PDLIM3: variants seen among roughly 807,000 people sequenced by gnomAD.
The protein encoded by PDLIM3 is PDZ and LIM domain 3.
Under a neutral mutation model 37.3 loss-of-function variants are expected in PDLIM3, and 36 were observed. That is an observed-to-expected ratio of 0.97 (90% CI 0.74 to 1.28). PDLIM3 has a LOEUF of 1.28. PDLIM3 is among the 50% of genes most tolerant of loss of function. PDLIM3 has a pLI of 0.00. For missense variants in PDLIM3, 454 were observed against 485.0 expected (o/e 0.94, Z 0.60); for synonymous variants, 174 against 182.4 (o/e 0.95, Z 0.37).
chr4:185,513,581 C>A (rs1561195216), intron 4 of PDLIM3: 7 of 985,938 alleles, frequency 7.1e-6, no homozygotes, highest in Non-Finnish European at 8.4e-6. Flanking sequence ...CACCTATGGG[C>A]CATCAGTTTG....
intron 3 of PDLIM3, among the ~76,000 whole-genome samples, chr4:185,519,152 G>C (rs1445248936): frequency 1.3e-5 from 2 of 152,150 alleles, no homozygotes; most frequent in Admixed American, 6.5e-5. Flanking sequence ...ATTGTGTTCA[G>C]GATTGCATGG....
intron 1 of PDLIM3, among the ~76,000 whole-genome samples, chr4:185,534,404 T>C (rs1002323407): frequency 3.9e-5 from 6 of 152,220 alleles, no homozygotes; most frequent in Non-Finnish European, 7.3e-5. Context: ...CGCCTTTAGG[T>C]ATTAAATGTT....
chr4:185,535,467 G>A lies in PDLIM3; in HGVS notation c.-33C>T, dbSNP rs371273675. 25 of 1,536,830 alleles carry A rather than the reference G, an allele frequency of 1.6e-5. No homozygotes were observed. The African/African-American group carries it at 2.8e-4, about 17-fold the overall frequency. On this transcript the variant is annotated 5_prime_UTR_variant, in exon 1 of 8. Coordinates refer to ENST00000284767, the MANE Select transcript of PDLIM3 (RefSeq NM_014476.6). ...TCCTCCCGCCCACCGGGCTCTAAGT[G>A]TCCCCGCGCAGGGCAGCCACTCCGC...
rs759785542 is a variant in PDLIM3, at chr4:185,535,481, C to G, written c.-47G>C. The G allele has an allele frequency of 1.2e-5, 18 of 1,491,142 alleles. No homozygotes were observed. The highest frequency in any genetic ancestry group is 1.5e-5 in the Non-Finnish European group (16 of 1,101,654). 92.4% of individuals were successfully genotyped at this position (1,491,142 alleles called of 1,614,324 possible). A position where few individuals can be genotyped will look rare whatever the true frequency, so the allele number is the denominator to read the frequency against. On this transcript the variant is annotated 5_prime_UTR_variant, in exon 1 of 8. Transcript: ENST00000284767. ...GGGCTCTAAGTGTCCCCGCGCAGGG[C>G]AGCCACTCCGCGCCGGGCGGCGTCC...
At chr4:185,509,397 T>C (rs1389898313) in intron 4 of PDLIM3, among the ~76,000 whole-genome samples, 1 of 152,184 alleles carries the variant, frequency 6.6e-6, no homozygotes, top group East Asian at 1.9e-4. Context: ...GAAGCACGCA[T>C]CTATTCCCAG....
intron 3 of PDLIM3, among the ~76,000 whole-genome samples, chr4:185,519,112 A>C (rs6816937): frequency 0.7 from 106,012 of 152,030 alleles, 41,468 homozygotes; most frequent in Non-Finnish European, 0.87. Flanking sequence ...CATTTTGTCT[A>C]TTTTTGTACA....
rs1561201923 is a variant in PDLIM3 at position 185,525,053 on chromosome 4, G to C, written c.212C>G (p.Ala71Gly). ...TTTGAGACACAGCTGGTGAGCTGCT[G>C]CTTTAATCCTGTCCTGCGCATCAGC... ...THADAQDRIK[A>G]AAHQLCLKID... The change falls in exon 2 of 8, where the codon GCA becomes GGA. Residue 71 changes from alanine to glycine, a missense_variant. Transcript: ENST00000284767. 1 of 1,614,012 alleles carries C rather than the reference G, an allele frequency of 6.2e-7. No individual in the cohort carries two copies. The highest frequency in any genetic ancestry group is 8.5e-7 in the Non-Finnish European group (1 of 1,179,992).
At position 185,501,348 on chromosome 4, in the gene PDLIM3, C is replaced by A. The variant is rs2095686867; in HGVS notation, c.*946G>T. Reference sequence around the variant, plus strand: ...GCAGGACCCCAGGAGACCAGCAGCCCCTGCCTTCCTTAGGAAGTCGTCTAA... The same window carrying A: ...GCAGGACCCCAGGAGACCAGCAGCCACTGCCTTCCTTAGGAAGTCGTCTAA... On this transcript the variant is annotated 3_prime_UTR_variant, in exon 8 of 8. Transcript: ENST00000284767. 6.6e-6 allele frequency: 1 copy of A among 152,280 alleles called. No homozygotes were observed. The highest frequency in any genetic ancestry group is 2.1e-4 in the South Asian group (1 of 4,832). The allele number at this position is 152,280 out of a possible 1,614,324, so 9.4% of individuals were successfully genotyped here. A position where few individuals can be genotyped will look rare whatever the true frequency, so the allele number is the denominator to read the frequency against.
At chr4:185,511,613 G>A (rs2095706712) in intron 4 of PDLIM3, among the ~76,000 whole-genome samples, 1 of 152,038 alleles carries the variant, frequency 6.6e-6, no homozygotes, top group South Asian at 2.1e-4. Context: ...TGCTCACCTG[G>A]GCCTCCCAAA....
At chr4:185,530,762 A>G (rs1196341914) in intron 1 of PDLIM3, among the ~76,000 whole-genome samples, 1 of 152,098 alleles carries the variant, frequency 6.6e-6, no homozygotes, top group South Asian at 2.1e-4. Context: ...GTCATGGATC[A>G]TCCCTTTGTC....
At chr4:185,513,627 C>T (rs766363090) in intron 4 of PDLIM3, 17 of 987,716 alleles carry the variant, frequency 1.7e-5, no homozygotes, top group Middle Eastern at 5.2e-4. Flanking sequence ...ATGTTCCTGT[C>T]GGAATCAATC....
chr4:185,506,517 C>T lies in PDLIM3; in HGVS notation c.793+5G>A, dbSNP rs368846659. The T allele has an allele frequency of 1.9e-6, 3 of 1,613,482 alleles. No individual in the cohort carries two copies. The African/African-American group carries it at 4.0e-5, about 22-fold the overall frequency. ...ACGTTTCAGCAGGTGTCAGCGGCTG[C>T]TCACCAGAGCCATCGTCCACCATTC... On this transcript the variant is annotated splice_donor_5th_base_variant and intron_variant, in intron 6 of 7. Transcript: ENST00000284767.
chr4:185,519,212 C>T (rs940505743), intron 3 of PDLIM3, among the ~76,000 whole-genome samples: 19 of 152,124 alleles, frequency 1.2e-4, no homozygotes, highest in Admixed American at 1.0e-3. Context: ...AACTAACGTG[C>T]CCTTTAAGCC....
At chr4:185,533,125 T>A (rs1322524272) in intron 1 of PDLIM3, among the ~76,000 whole-genome samples, 1 of 152,112 alleles carries the variant, frequency 6.6e-6, no homozygotes, top group Non-Finnish European at 1.5e-5. Flanking sequence ...ACTGCTACTC[T>A]CCTAAAGATT....
At chr4:185,531,943 A>AT (rs2095745206) in intron 1 of PDLIM3, among the ~76,000 whole-genome samples, 1 of 150,664 alleles carries the variant, frequency 6.6e-6, no homozygotes, top group Admixed American at 6.6e-5. Context: ...AAAAAAAAAA[A>AT]AAAAATTAGC....
chr4:185,523,220 A>G (rs894597601), intron 3 of PDLIM3, 142 bp downstream of exon 3: 10 of 636,340 alleles, frequency 1.6e-5, no homozygotes, highest in African/African-American at 5.5e-5. Flanking sequence ...GATAATATAA[A>G]TTAATCTCGG....
At chr4:185,523,338 T>C (rs2095725919) in intron 3 of PDLIM3, 24 bp downstream of exon 3, 8 of 1,484,922 alleles carry the variant, frequency 5.4e-6, no homozygotes, top group Non-Finnish European at 7.5e-6. Context: ...ATACAATGTG[T>C]ATCATTTGCT....
intron 3 of PDLIM3, chr4:185,515,038 T>G: frequency 1.7e-6 from 1 of 582,504 alleles, no homozygotes; most frequent in Non-Finnish European, 2.9e-6. Flanking sequence ...AGCCATAAAC[T>G]TTTCCATGGT....
At chr4:185,503,542 C>A (rs2095691014) in intron 7 of PDLIM3, among the ~76,000 whole-genome samples, 1 of 152,180 alleles carries the variant, frequency 6.6e-6, no homozygotes, top group Non-Finnish European at 1.5e-5. Context: ...GAGTTCATGG[C>A]AGGAGGAATG....
Sources: allele counts gnomAD v4.1 joint callset (sites outside exome capture counted in the v4.1 genomes callset), GRCh38; gene constraint gnomAD v4.1.1; transcripts MANE v1.5; gene names NCBI Gene and HGNC (gene_info 2026-07-23, HGNC 2026-07-21).